ZNF107: variants seen among roughly 807,000 people sequenced by gnomAD.
ZNF107 encodes zinc finger protein 107.
Under a neutral mutation model 12.3 loss-of-function variants are expected in ZNF107, and 19 were observed. That is an observed-to-expected ratio of 1.55 (90% CI 1.08 to 2.27). The LOEUF is 2.27. Ranked by LOEUF, ZNF107 falls within the 30% of genes most tolerant of loss-of-function variation. ZNF107 has a pLI of 0.00. For missense variants in ZNF107, 958 were observed against 979.9 expected (o/e 0.98, Z 0.30); for synonymous variants, 317 against 330.5 (o/e 0.96, Z 0.44).
chr7:64,709,210 C>T lies in ZNF107; in HGVS notation c.*554C>T. On this transcript the variant is annotated 3_prime_UTR_variant, in exon 4 of 4. Transcript: ENST00000620827. ...AAATTCATACTGGAAAGAAACCCTA[C>T]AAATGTGAAGTCTGTGGCAAAGCTT... 1 of 412,468 alleles carries T rather than the reference C, an allele frequency of 2.4e-6. No homozygotes were observed. Among genetic ancestry groups the T allele is most frequent in the East Asian group, 6.3e-5 (1 of 15,826 alleles). The allele number at this position is 412,468 out of a possible 1,614,324, so 25.6% of individuals were successfully genotyped here.
At chr7:64,696,617 G>A (rs1344172944) in intron 3 of ZNF107, among the ~76,000 whole-genome samples, 1 of 150,766 alleles carries the variant, frequency 6.6e-6, no homozygotes, top group South Asian at 2.1e-4. Flanking sequence ...TTCAATACCC[G>A]TTAAGTAACA....
chr7:64,703,783 T>A (rs933171280), intron 3 of ZNF107, among the ~76,000 whole-genome samples: 7 of 152,094 alleles, frequency 4.6e-5, no homozygotes, highest in Non-Finnish European at 8.8e-5. Context: ...TATATATATA[T>A]TTAAATAATC....
At chr7:64,678,557 T>C (rs1789517173) in intron 1 of ZNF107, among the ~76,000 whole-genome samples, 1 of 152,318 alleles carries the variant, frequency 6.6e-6, no homozygotes, top group African/African-American at 2.4e-5. Flanking sequence ...TTTGAATGAA[T>C]CCCTTAGTCA....
chr7:64,700,575 A>C (rs531512811), intron 3 of ZNF107, among the ~76,000 whole-genome samples: 2 of 115,174 alleles, frequency 1.7e-5, no homozygotes, highest in East Asian at 6.1e-4. Flanking sequence ...TGTGGAGTGC[A>C]GTGGCATAGG....
chr7:64,672,223 A>G (rs1036984614), intron 1 of ZNF107, among the ~76,000 whole-genome samples: 4 of 152,230 alleles, frequency 2.6e-5, no homozygotes, highest in Admixed American at 2.0e-4. Flanking sequence ...TTAGTTTTCT[A>G]TGGCTAATGG....
In ZNF107 at chr7:64,707,892, G is replaced by A; in HGVS notation, c.1795G>A (p.Gly599Ser). The change falls in exon 4 of 4, where the codon GGC (glycine) becomes AGC (serine). Residue 599 changes from glycine to serine, a missense_variant. Gly to Ser is a moderately conservative substitution (Grantham distance 56). Transcript: ENST00000620827. The stretch of plus-strand genomic sequence containing the variant: ...GAAACTCAACAAATGTGAAGAATTT[G>A]GCAAGGCCTTTAAACAGTCCTCACA... The part of the protein sequence containing the change: ...KEKLNKCEEF[G>S]KAFKQSSHRT... 1 of 1,613,558 alleles carries A rather than the reference G, an allele frequency of 6.2e-7. No homozygotes were observed. The highest frequency in any genetic ancestry group is 8.5e-7 in the Non-Finnish European group (1 of 1,179,762).
At chr7:64,679,920 T>G (rs899739314) in intron 1 of ZNF107, among the ~76,000 whole-genome samples, 2 of 152,116 alleles carry the variant, frequency 1.3e-5, no homozygotes, top group Non-Finnish European at 2.9e-5. Context: ...TTGTCTCAAA[T>G]TCTCCTTCTG....
rs181005407 is a variant in ZNF107, at chr7:64,675,859, T to G, written c.3+9574T>G. Among the ~76,000 whole-genome samples the G allele has an allele frequency of 5.0e-3, 766 of 152,254 alleles. 4 individuals are homozygous for G. The highest frequency in any genetic ancestry group is 6.5e-3 in the Admixed American group (99 of 15,292). ...TACCAAAAAGTCATTCAGGTGCAGG[T>G]GTTTGTTTTGTGAGACAGAGTCTCA... is the stretch of plus-strand genomic sequence containing the variant. On this transcript the variant is annotated intron_variant, in intron 1 of 3. Coordinates refer to ENST00000620827, the MANE Select transcript of ZNF107 (RefSeq NM_001282359.2).
chr7:64,703,005 C>T (rs1562843067), intron 3 of ZNF107, among the ~76,000 whole-genome samples: 1 of 152,120 alleles, frequency 6.6e-6, no homozygotes, highest in Non-Finnish European at 1.5e-5. Context: ...CTTTCTATTA[C>T]TTTTTTTCTA....
chr7:64,705,382 A>G lies in ZNF107; in HGVS notation c.227-942A>G, dbSNP rs182953438. 3.8e-4 allele frequency among the ~76,000 whole-genome samples: 58 copies of G among 151,466 alleles called. 1 individual carries two copies. In the South Asian group the frequency reaches 5.2e-3, roughly 14 times the overall value. On this transcript the variant is annotated intron_variant, in intron 3 of 3. Coordinates refer to ENST00000620827, the MANE Select transcript of ZNF107 (RefSeq NM_001282359.2). ...GGTATTCTCATTTTTCTGATTTTCAATAGTTGTTTGTGTTCCTATTCACTC... is the reference window on the plus strand; with the variant it reads ...GGTATTCTCATTTTTCTGATTTTCAGTAGTTGTTTGTGTTCCTATTCACTC...
At chr7:64,692,861 T>C (rs904907594) in intron 3 of ZNF107, among the ~76,000 whole-genome samples, 4 of 152,184 alleles carry the variant, frequency 2.6e-5, no homozygotes, top group Admixed American at 2.0e-4. Context: ...ATTTTGGTAA[T>C]TTGCTAAGTA....
chr7:64,688,446 G>A (rs1790003097), intron 1 of ZNF107, among the ~76,000 whole-genome samples: 1 of 151,802 alleles, frequency 6.6e-6, no homozygotes, highest in Admixed American at 6.6e-5. Flanking sequence ...TAGTGGAAGG[G>A]GGGGTTTCAC....
chr7:64,685,061 T>G (rs1789849327), intron 1 of ZNF107, among the ~76,000 whole-genome samples: 1 of 152,174 alleles, frequency 6.6e-6, no homozygotes, highest in Admixed American at 6.5e-5. Flanking sequence ...CTCCTACATA[T>G]GCAGTCATTG....
chr7:64,709,459 C>A lies in ZNF107; in HGVS notation c.*803C>A. The A allele has an allele frequency of 2.9e-6, 1 of 344,788 alleles. No individual in the cohort carries two copies. Among genetic ancestry groups the A allele is most frequent in the South Asian group, 2.3e-5 (1 of 44,160 alleles). The allele number at this position is 344,788 out of a possible 1,614,324, so 21.4% of individuals were successfully genotyped here. On this transcript the variant is annotated 3_prime_UTR_variant, in exon 4 of 4. Coordinates refer to ENST00000620827, the MANE Select transcript of ZNF107 (RefSeq NM_001282359.2). ...AAGATAATACTGAAAACTTTACAAA[C>A]CTGAATGATGTGACAATAATTTTGA...
chr7:64,696,245 G>T (rs1177182142), intron 3 of ZNF107, among the ~76,000 whole-genome samples: 2 of 152,144 alleles, frequency 1.3e-5, no homozygotes, highest in South Asian at 2.1e-4. Context: ...TAGAGACGGG[G>T]TTTCACCATG....
At chr7:64,666,729 C>T (rs1378669521) in intron 1 of ZNF107, among the ~76,000 whole-genome samples, 1 of 152,124 alleles carries the variant, frequency 6.6e-6, no homozygotes, top group Non-Finnish European at 1.5e-5. Flanking sequence ...CTATGGAAGT[C>T]ACCACAAAAA....
intron 2 of ZNF107, 81 bp downstream of exon 2, chr7:64,691,455 T>G: frequency 8.2e-7 from 1 of 1,215,458 alleles, no homozygotes. Context: ...TTTCTGGTAA[T>G]TTATGCTTTG....
At chr7:64,687,171 T>A in intron 1 of ZNF107, 1 of 986,408 alleles carries the variant, frequency 1.0e-6, no homozygotes, top group Non-Finnish European at 1.2e-6. Flanking sequence ...GCATTGGGTG[T>A]CTGTTTTGGA....
At chr7:64,686,956 G>GC in intron 1 of ZNF107, 3 of 985,392 alleles carry the variant, frequency 3.0e-6, no homozygotes, top group Non-Finnish European at 3.6e-6. Context: ...CTGAGAATAT[G>GC]CCCCCCGTTA....
Sources: gnomAD v4.1 joint callset for allele counts (sites outside exome capture counted in the v4.1 genomes callset) on GRCh38, gnomAD v4.1.1 for gene constraint, MANE v1.5 for transcripts, NCBI Gene and HGNC (gene_info 2026-07-23, HGNC 2026-07-21) for gene names.